The following MYRF variants were observed in gnomAD, a reference collection of about 807,000 sequenced individuals.
MYRF encodes the protein myelin gene regulatory factor.
In MYRF, 16 loss-of-function variants were observed where a neutral mutation model predicts 126.3. The observed-to-expected ratio is 0.13, with a 90% confidence interval of 0.09 to 0.19. The LOEUF is 0.19. Ranked by LOEUF, MYRF falls within the 10% of genes least tolerant of loss-of-function variation. The probability of loss-of-function intolerance (pLI) is 1.00; values close to 1 mark genes in which losing one functional copy is unlikely to be tolerated. For missense variants in MYRF, 1,104 were observed against 1,547.0 expected, an observed-to-expected ratio of 0.71 and a Z score of 4.80; for synonymous variants, 608 against 635.3, an observed-to-expected ratio of 0.96 and a Z score of 0.65.
rs2066410431 is a variant in MYRF, at chr11:61,777,301, T to C, written c.1628T>C (p.Val543Ala). The change falls in exon 12 of 27, where the codon GTG becomes GCG. Residue 543 changes from valine to alanine, a missense_variant. Transcript: ENST00000278836. This position sits in a 1 kb window ranked among gnomAD's most constrained non-coding sequence, Gnocchi z 8.8. ...GGCCAGTTCGAGAGCGACAGCGATG[T>C]GTTGTGGCAGCGGGCACAGGTGCCC... is the stretch of plus-strand genomic sequence containing the variant. Reference protein sequence around the residue: ...NPGQFESDSDVLWQRAQVPDT... With the variant: ...NPGQFESDSDALWQRAQVPDT... 4 of 1,613,600 alleles carry C rather than the reference T, an allele frequency of 2.5e-6. No homozygotes were observed. The South Asian group carries it at 4.4e-5, about 18-fold the overall frequency.
rs201276262 is a variant in MYRF, at chr11:61,786,093, G to A, written c.3406G>A (p.Ala1136Thr). 3.7e-5 allele frequency: 60 copies of A among 1,614,128 alleles called. No homozygotes were observed. Among genetic ancestry groups the A allele is most frequent in the South Asian group, 6.6e-5 (6 of 91,084 alleles). ...GGCCAACTGCAGTTCAGAGGCTCTC[G>A]CCCAGCCAGCCACAGACTACCACTT... ...GQANCSSEAL[A>T]QPATDYHFHF... The change falls in exon 27 of 27, where the codon GCC becomes ACC. Residue 1136 changes from alanine to threonine, a missense_variant. Around this residue, in one of 10 missense-constraint regions of MYRF, gnomAD observed 94 missense variants for 164.6 expected, o/e 0.57. Transcript: ENST00000278836. The surrounding 1 kb of genome is among the most constrained non-coding windows in gnomAD (Gnocchi z 4.5).
At chr11:61,769,400 G>A in intron 4 of MYRF, 79 bp downstream of exon 4, 1 of 1,086,268 alleles carries the variant, frequency 9.2e-7, no homozygotes, top group South Asian at 1.3e-5. Flanking sequence ...AGGTAGGGGA[G>A]GAGGGAGGGG....
chr11:61,770,203 G>A (rs1367834311), intron 4 of MYRF, 43 bp from the exon 5 acceptor site: 1 of 1,539,404 alleles, frequency 6.5e-7, no homozygotes, highest in Non-Finnish European at 8.8e-7. Flanking sequence ...AGGAGCCTGA[G>A]TGAGGTTGGT....
chr11:61,766,759 C>T (rs2066073622), intron 3 of MYRF: 1 of 330,058 alleles, frequency 3.0e-6, no homozygotes, highest in Non-Finnish European at 5.9e-6. Flanking sequence ...GAACCTTAGG[C>T]CTGGCTTTGA....
rs567951188 is a variant in MYRF, at chr11:61,781,076, G to A, written c.2572+31G>A. 2.5e-6 allele frequency: 4 copies of A among 1,610,698 alleles called. No individual in the cohort carries two copies. The South Asian group carries it at 3.3e-5, about 13-fold the overall frequency. Reference sequence around the variant, plus strand: ...TGTCTGGGCAGGTCTGGGTAGGACAGGGAGGTTGCTATGTTCTGTCTTTGG... The same window carrying A: ...TGTCTGGGCAGGTCTGGGTAGGACAAGGAGGTTGCTATGTTCTGTCTTTGG... On this transcript the variant is annotated intron_variant, in intron 20 of 26. Coordinates refer to ENST00000278836, the MANE Select transcript of MYRF (RefSeq NM_001127392.3).
At position 61,766,161 on chromosome 11, in the gene MYRF, C is replaced by A. The variant is rs1314750476; in HGVS notation, c.338C>A (p.Pro113His). The stretch of plus-strand genomic sequence containing the variant: ...AACGGCATGGGCGCTGCCCCCAAGC[C>A]CTTCCCGGGGGGCACCGGGCCCCCC... ...NNNGMGAAPK[P>H]FPGGTGPPIK... Residue 113 changes from proline (P) to histidine (H), a missense_variant, in exon 3 of 27, where the codon CCC becomes CAC. Transcript: ENST00000278836. 1 of 1,612,018 alleles carries A rather than the reference C, an allele frequency of 6.2e-7. No individual in the cohort carries two copies. The highest frequency in any genetic ancestry group is 1.7e-5 in the Admixed American group (1 of 60,002).
chr11:61,764,818 G>C (rs370787708), intron 1 of MYRF, among the ~76,000 whole-genome samples: 18 of 152,338 alleles, frequency 1.2e-4, no homozygotes, highest in African/African-American at 3.6e-4. Context: ...GGCCAGCGCA[G>C]AGGGCCCAGG....
In MYRF at chr11:61,774,169, TTG is replaced by T. The variant is rs1565295585; in HGVS notation, c.1311+8_1311+9del. On this transcript the variant is annotated splice_region_variant and intron_variant, in intron 8 of 26. Transcript: ENST00000278836. ...GAAGCTGCACGGAGTGAAGGCAAGT[TTG>T]GGGCTCAGCAAGGAAGGGAGGGCAG... is the stretch of plus-strand genomic sequence containing the variant. 1 of 1,592,000 alleles carries T rather than the reference TTG, an allele frequency of 6.3e-7. No individual in the cohort carries two copies.
chr11:61,778,296 G>A lies in MYRF; in HGVS notation c.1904-84G>A. 1 of 933,750 alleles carries A rather than the reference G, an allele frequency of 1.1e-6. No individual in the cohort carries two copies. Among genetic ancestry groups the A allele is most frequent in the Non-Finnish European group, 1.8e-6 (1 of 564,810 alleles). 57.8% of individuals were successfully genotyped at this position (933,750 alleles called of 1,614,324 possible). A position where few individuals can be genotyped will look rare whatever the true frequency, so the allele number is the denominator to read the frequency against. On this transcript the variant is annotated intron_variant, in intron 13 of 26. Transcript: ENST00000278836. The surrounding 1 kb of genome is among the most constrained non-coding windows in gnomAD (Gnocchi z 4.6). ...GGGTTCCAGAACTTCACCCTCTCCA[G>A]TCTTGCTCCCACTGTACATTACAAA...
chr11:61,761,264 G>GGC (rs1028032309), intron 1 of MYRF, among the ~76,000 whole-genome samples: 13 of 151,696 alleles, frequency 8.6e-5, no homozygotes, highest in Admixed American at 7.9e-4. Context: ...GCTGGTGGGG[G>GGC]GGGGGGCACA....
At chr11:61,770,933 C>G (rs779299569) in intron 5 of MYRF, among the ~76,000 whole-genome samples, 3 of 152,204 alleles carry the variant, frequency 2.0e-5, no homozygotes, top group Non-Finnish European at 2.9e-5. Context: ...GCCCCCGACT[C>G]TGACTCAACC....
chr11:61,755,088 T>C (rs957934700), intron 1 of MYRF, among the ~76,000 whole-genome samples: 4 of 152,168 alleles, frequency 2.6e-5, no homozygotes, highest in Admixed American at 2.6e-4. Context: ...TGGTCATCCC[T>C]CTGGACAGTG....
At chr11:61,785,701 A>T in intron 25 of MYRF, 99 bp from the exon 26 acceptor site, 1 of 951,314 alleles carries the variant, frequency 1.1e-6, no homozygotes, top group Admixed American at 2.1e-5. Context: ...TCCTTCATAA[A>T]ACTCCCCACA....
Position 61,786,025 on chromosome 11 carries a change from C to T in MYRF, c.3376-38C>T, listed in dbSNP as rs1433786013. The T allele has an allele frequency of 6.2e-7, 1 of 1,608,462 alleles. No homozygotes were observed. The highest frequency in any genetic ancestry group is 1.7e-5 in the Admixed American group (1 of 60,008). On this transcript the variant is annotated intron_variant, in intron 26 of 26. Coordinates refer to ENST00000278836, the MANE Select transcript of MYRF (RefSeq NM_001127392.3). The surrounding 1 kb of genome is among the most constrained non-coding windows in gnomAD (Gnocchi z 4.5). ...AGGGAGTGCCATCTGCCCCGCACCC[C>T]CAGAGCCACCTCACCTTCCCACTGC...
intron 4 of MYRF, among the ~76,000 whole-genome samples, chr11:61,770,028 G>A (rs2066166683): frequency 6.6e-6 from 1 of 152,062 alleles, no homozygotes; most frequent in Non-Finnish European, 1.5e-5. Context: ...GCTAGGATGA[G>A]GTGAAAGGCT....
Position 61,777,522 on chromosome 11 carries a change from C to CGGGGGCCGGGGGGGG in MYRF, c.1791+62_1791+63insGCCGGGGGGGGGGGG. The CGGGGGCCGGGGGGGG allele has an allele frequency of 1.5e-6, 1 of 682,964 alleles. No homozygotes were observed. Among genetic ancestry groups the CGGGGGCCGGGGGGGG allele is most frequent in the Non-Finnish European group, 2.1e-6 (1 of 485,840 alleles). The allele number at this position is 682,964 out of a possible 1,614,324, so 42.3% of individuals were successfully genotyped here. A position where few individuals can be genotyped will look rare whatever the true frequency, so the allele number is the denominator to read the frequency against. ...CAGACGCTGGAGCGGGCCGCGGGGG[C>CGGGGGCCGGGGGGGG]GGGGCTCCTGGGGAGGGGGCGTGAC... On this transcript the variant is annotated intron_variant, in intron 12 of 26. Transcript: ENST00000278836. The surrounding 1 kb of genome is among the most constrained non-coding windows in gnomAD (Gnocchi z 8.8).
intron 7 of MYRF, among the ~76,000 whole-genome samples, chr11:61,772,764 G>A (rs1171795932): frequency 6.6e-6 from 1 of 152,254 alleles, no homozygotes; most frequent in Non-Finnish European, 1.5e-5. Flanking sequence ...AGCCCCGGAA[G>A]TGGCCCAGGC....
intron 1 of MYRF, chr11:61,755,448 CG>C (rs760768348): frequency 2.5e-6 from 4 of 1,610,012 alleles, no homozygotes; most frequent in Non-Finnish European, 1.7e-6. Flanking sequence ...AGCAGGTAAC[CG>C]GGCCATGGTA....
chr11:61,757,208 G>C lies in MYRF; in HGVS notation c.46+4418G>C, dbSNP rs1338463762. Reference sequence around the variant, plus strand: ...GGCCTTCAGCCCCGGCTGCCACGGGGTGTGGGTACCTCTTGGTTGGGTCTC... The same window carrying C: ...GGCCTTCAGCCCCGGCTGCCACGGGCTGTGGGTACCTCTTGGTTGGGTCTC... On this transcript the variant is annotated intron_variant, in intron 1 of 26. Coordinates refer to ENST00000278836, the MANE Select transcript of MYRF (RefSeq NM_001127392.3). This position sits in a 1 kb window ranked among gnomAD's most constrained non-coding sequence, Gnocchi z 4.7. The C allele has an allele frequency of 2.2e-6, 1 of 456,856 alleles. No individual in the cohort carries two copies. The highest frequency in any genetic ancestry group is 4.4e-6 in the Non-Finnish European group (1 of 226,968). The allele number at this position is 456,856 out of a possible 1,614,324, so 28.3% of individuals were successfully genotyped here. A position where few individuals can be genotyped will look rare whatever the true frequency, so the allele number is the denominator to read the frequency against.
Sources: gnomAD v4.1 joint callset for allele counts (sites outside exome capture counted in the v4.1 genomes callset) on GRCh38, gnomAD v4.1.1 for gene constraint, gnomAD v4.1.1 regional missense constraint, Gnocchi (gnomAD v3.1) non-coding constraint, MANE v1.5 for transcripts, NCBI Gene and HGNC (gene_info 2026-07-23, HGNC 2026-07-21) for gene names.